DCAF8L2: variants seen among roughly 807,000 people sequenced by gnomAD.
DCAF8L2 encodes the protein DDB1- and CUL4-associated factor 8-like protein 2.
For synonymous variants in DCAF8L2, 200 were observed against 190.9 expected (o/e 1.05, Z -0.39); for missense variants, 430 against 490.7 (o/e 0.88, Z 1.17).
the DCAF8L2 span, among the ~76,000 whole-genome samples, chrX:27,582,658 A>C: frequency 1.3e-4 from 14 of 111,307 alleles, no homozygotes; most frequent in Admixed American, 4.8e-4. Flanking sequence ...AATACTTCTT[A>C]TGAATATTTC....
the DCAF8L2 span, among the ~76,000 whole-genome samples, chrX:27,558,752 C>T: frequency 1.1e-5 from 1 of 88,011 alleles, no homozygotes. Context: ...AGTGCTATCC[C>T]TCCCCCCTCC....
chrX:27,548,497 T>G, the DCAF8L2 span, among the ~76,000 whole-genome samples: 1 of 111,310 alleles, frequency 9.0e-6, no homozygotes, highest in African/African-American at 3.3e-5. Flanking sequence ...AGGTTCAGGA[T>G]CCAGTTAAAA....
At chrX:27,620,878 A>T (rs773606883) in intron 1 of DCAF8L2, among the ~76,000 whole-genome samples, 16 of 112,432 alleles carry the variant, frequency 1.4e-4, no homozygotes, top group African/African-American at 4.8e-4. Flanking sequence ...TCATGCTCAT[A>T]GCAGCATTAT....
At chrX:27,689,651 T>C (rs983826685) in intron 3 of DCAF8L2, among the ~76,000 whole-genome samples, 16 of 112,762 alleles carry the variant, frequency 1.4e-4, no homozygotes, top group Admixed American at 1.1e-3. Context: ...TGGAATGCCA[T>C]GTAGCCATTA....
the DCAF8L2 span, among the ~76,000 whole-genome samples, chrX:27,495,507 C>T: frequency 1.8e-5 from 2 of 111,873 alleles, no homozygotes; most frequent in Non-Finnish European, 3.8e-5. Context: ...CTGTTGGCAT[C>T]GTCACGATAT....
At chrX:27,543,559 T>A in the DCAF8L2 span, among the ~76,000 whole-genome samples, 1 of 111,899 alleles carries the variant, frequency 8.9e-6, no homozygotes, top group Non-Finnish European at 1.9e-5. Flanking sequence ...AGCCTGTATT[T>A]TATCCTTCTG....
At chrX:27,521,882 C>T in the DCAF8L2 span, among the ~76,000 whole-genome samples, 1 of 112,098 alleles carries the variant, frequency 8.9e-6, no homozygotes, top group Admixed American at 9.5e-5. Context: ...GCTACTGATA[C>T]ATGCAAGATA....
At chrX:27,691,788 T>C (rs1302768383) in intron 3 of DCAF8L2, among the ~76,000 whole-genome samples, 3 of 111,967 alleles carry the variant, frequency 2.7e-5, no homozygotes, top group Non-Finnish European at 5.6e-5. Flanking sequence ...ATTGTCAAAA[T>C]TTAAAACCCA....
chrX:27,701,976 T>G (rs6630556), intron 3 of DCAF8L2, among the ~76,000 whole-genome samples: 23,421 of 110,095 alleles, frequency 0.21, 3,356 homozygotes, highest in African/African-American at 0.51. Context: ...GCTACATTTA[T>G]CAAGAAAAGA....
chrX:27,506,377 A>C, the DCAF8L2 span, among the ~76,000 whole-genome samples: 1 of 111,878 alleles, frequency 8.9e-6, no homozygotes, highest in Admixed American at 9.6e-5. Context: ...AAGATTTTTT[A>C]AATATTGTGT....
intron 3 of DCAF8L2, among the ~76,000 whole-genome samples, chrX:27,702,842 C>A (rs753144473): frequency 9.0e-6 from 1 of 111,305 alleles, no homozygotes; most frequent in African/African-American, 3.2e-5. Flanking sequence ...ATTGGAAGTT[C>A]TAGCCAGGGA....
At chrX:27,567,549 A>ATATG in the DCAF8L2 span, among the ~76,000 whole-genome samples, 2 of 66,218 alleles carry the variant, frequency 3.0e-5, no homozygotes, top group Non-Finnish European at 5.4e-5. Flanking sequence ...ACTGTAGCAT[A>ATATG]TATATATATA....
At chrX:27,497,541 CTTCCTTCCTTCT>C in the DCAF8L2 span, among the ~76,000 whole-genome samples, 6 of 78,652 alleles carry the variant, frequency 7.6e-5, no homozygotes, top group South Asian at 5.6e-4. Flanking sequence ...TCCTTCCTTC[CTTCCTTCCTTCT>C]TTCTTTCTTT....
the DCAF8L2 span, among the ~76,000 whole-genome samples, chrX:27,573,626 G>T: frequency 9.0e-6 from 1 of 111,158 alleles, no homozygotes; most frequent in Non-Finnish European, 1.9e-5. Flanking sequence ...CTTAAACTAG[G>T]GGAATAGATT....
chrX:27,615,864 A>G (rs1927449770), intron 1 of DCAF8L2, among the ~76,000 whole-genome samples: 1 of 111,137 alleles, frequency 9.0e-6, no homozygotes, highest in African/African-American at 3.3e-5. Flanking sequence ...ATAATAAAAT[A>G]AATGGCACTA....
chrX:27,645,564 A>G (rs941763785), intron 2 of DCAF8L2, among the ~76,000 whole-genome samples: 4 of 112,128 alleles, frequency 3.6e-5, no homozygotes, highest in African/African-American at 1.3e-4. Flanking sequence ...AGTTCTGGCC[A>G]AGGCAATCAC....
rs1482926498 is a variant in DCAF8L2 at position 27,732,748 on chromosome X, G to C, written c.-58-14090G>C. ...TAGGTATATAACCAGAAAAGGGATT[G>C]CTGGGTCATATGATAGTTTTAGTTT... On this transcript the variant is annotated intron_variant, in intron 4 of 4. Transcript: ENST00000451261. Among the ~76,000 whole-genome samples, 50 of 111,383 alleles carry C rather than the reference G, an allele frequency of 4.5e-4. 1 individual carries two copies. The Admixed American group carries it at 4.8e-3, about 11-fold the overall frequency.
At chrX:27,693,617 G>A (rs1051339976) in intron 3 of DCAF8L2, among the ~76,000 whole-genome samples, 1 of 109,677 alleles carries the variant, frequency 9.1e-6, no homozygotes, top group African/African-American at 3.3e-5. Flanking sequence ...TTTTTTAATG[G>A]GGTCATTAAT....
the DCAF8L2 span, among the ~76,000 whole-genome samples, chrX:27,508,777 G>T: frequency 1.7e-4 from 18 of 105,478 alleles, no homozygotes; most frequent in Non-Finnish European, 2.3e-4. Flanking sequence ...TTCGACTTTT[G>T]TACCTTGCTA....
Sources: gnomAD v4.1 joint callset for allele counts (sites outside exome capture counted in the v4.1 genomes callset) on GRCh38, gnomAD v4.1.1 for gene constraint, MANE v1.5 for transcripts, NCBI Gene and HGNC (gene_info 2026-07-23, HGNC 2026-07-21) for gene names.